Variants in SP6 observed in about 807,000 individuals in gnomAD.
SP6 encodes transcription factor Sp6.
A neutral mutation model predicts 23.4 loss-of-function variants in SP6; 10 were observed. That is an observed-to-expected ratio of 0.43 (90% CI 0.26 to 0.72). The LOEUF is 0.72. SP6 is among the 30% of genes least tolerant of loss of function. The pLI, the probability that SP6 is intolerant of heterozygous loss-of-function variation, is 0.23. For missense variants in SP6, 482 were observed against 523.8 expected (o/e 0.92, Z 0.78); for synonymous variants, 238 against 238.7 (o/e 1.00, Z 0.03).
chr17:47,874,064 CCCT>C, the SP6 span, among the ~76,000 whole-genome samples: 3 of 150,236 alleles, frequency 2.0e-5, no homozygotes, highest in African/African-American at 7.4e-5. Flanking sequence ...TCTCCTTCCT[CCCT>C]CCTCCTTCCC....
At chr17:47,850,005 C>T (rs982147242) in intron 1 of SP6, among the ~76,000 whole-genome samples, 8 of 152,088 alleles carry the variant, frequency 5.3e-5, no homozygotes, top group Admixed American at 2.6e-4. Flanking sequence ...GAGAGGAGGA[C>T]GGGGGCACCT....
the SP6 span, among the ~76,000 whole-genome samples, chr17:47,872,769 G>T: frequency 2.0e-5 from 3 of 152,044 alleles, no homozygotes; most frequent in African/African-American, 7.3e-5. Context: ...ACTCCCGCTG[G>T]GTTACCCTTA....
At chr17:47,854,493 C>T (rs927514130), upstream of SP6, among the ~76,000 whole-genome samples, 5 of 152,172 alleles carry the variant, frequency 3.3e-5, no homozygotes, top group Admixed American at 2.6e-4. Flanking sequence ...CATCTGGCCT[C>T]AATATGGCAG....
chr17:47,854,719 G>T, upstream of SP6, among the ~76,000 whole-genome samples: 1 of 152,156 alleles, frequency 6.6e-6, no homozygotes, highest in East Asian at 1.9e-4. Context: ...TATCAAAGCT[G>T]GTCTAGCCCC....
chr17:47,857,493 T>G (rs1046466351), upstream of SP6, among the ~76,000 whole-genome samples: 1 of 152,138 alleles, frequency 6.6e-6, no homozygotes, highest in African/African-American at 2.4e-5. Flanking sequence ...TGGGAGAATC[T>G]TGGGGTTGGG....
At chr17:47,857,056 A>C (rs895202947), upstream of SP6, among the ~76,000 whole-genome samples, 5 of 152,076 alleles carry the variant, frequency 3.3e-5, no homozygotes, top group African/African-American at 1.2e-4. Context: ...GTAAAAGCTC[A>C]GCAGAAAGCC....
At position 47,846,099 on chromosome 17, in the gene SP6, A is replaced by T. The variant is rs188676532; in HGVS notation, c.*1200T>A. 1 of 152,302 alleles carries T rather than the reference A, an allele frequency of 6.6e-6. No homozygotes were observed. The highest frequency in any genetic ancestry group is 1.9e-4 in the East Asian group (1 of 5,186). 9.4% of individuals were successfully genotyped at this position (152,302 alleles called of 1,614,324 possible). ...CAGAACCCCTTCCAGTGGGAGAACA[A>T]CTCTTTCCTCTCCCTTCCCCTGTGA... On this transcript the variant is annotated 3_prime_UTR_variant, in exon 2 of 2. Transcript: ENST00000536300.
chr17:47,858,767 CTTTTTTTTTTTTTT>C (rs36092685), upstream of SP6, among the ~76,000 whole-genome samples: 3 of 92,648 alleles, frequency 3.2e-5, no homozygotes, highest in East Asian at 3.0e-4. Context: ...GATGAAGCAT[CTTTTTTTTTTTTTT>C]TTTTTTTTTT....
At chr17:47,866,982 C>T in the SP6 span, among the ~76,000 whole-genome samples, 1 of 152,160 alleles carries the variant, frequency 6.6e-6, no homozygotes, top group Admixed American at 6.5e-5. Flanking sequence ...TCGGACACGC[C>T]ACGCTGGGAA....
chr17:47,875,432 G>A, the SP6 span, among the ~76,000 whole-genome samples: 2 of 152,128 alleles, frequency 1.3e-5, no homozygotes, highest in East Asian at 1.9e-4. Context: ...CAAGCCTGGG[G>A]GGCCCCCTCT....
At position 47,847,981 on chromosome 17, in the gene SP6, G is replaced by A; in HGVS notation, c.449C>T (p.Ala150Val). The A allele has an allele frequency of 6.3e-7, 1 of 1,589,328 alleles. No homozygotes were observed. Among genetic ancestry groups the A allele is most frequent in the Admixed American group, 1.8e-5 (1 of 56,582 alleles). Residue 150 changes from alanine to valine, a missense_variant, in exon 2 of 2, where the codon GCG becomes GTG. This residue lies in a region of SP6 where 330 missense variants were observed against 332.3 expected (regional missense o/e 0.99). Transcript: ENST00000536300. ...GTCTCCGACGTAGCCCCCCAAGCCC[G>A]CCTGAAGCGCCCCCGGGTGGCCAGG... Reference protein sequence around the residue: ...TSPGHPGALQAGLGGYVGDHQ... With the variant: ...TSPGHPGALQVGLGGYVGDHQ...
the SP6 span, among the ~76,000 whole-genome samples, chr17:47,875,063 C>T: frequency 6.6e-6 from 1 of 151,342 alleles, no homozygotes; most frequent in South Asian, 2.1e-4. Flanking sequence ...GCAGCTTTGT[C>T]ATTTCCCCTC....
chr17:47,864,481 C>A, the SP6 span: 1 of 151,236 alleles, frequency 6.6e-6, no homozygotes, highest in Non-Finnish European at 1.5e-5. Flanking sequence ...GTTATCCAGG[C>A]TGATCTCAAA....
upstream of SP6, among the ~76,000 whole-genome samples, chr17:47,857,205 G>T (rs999882018): frequency 2.6e-5 from 4 of 152,134 alleles, no homozygotes; most frequent in African/African-American, 9.7e-5. Flanking sequence ...ACTGAGGCAG[G>T]CTCCAGGGAG....
In SP6 at chr17:47,847,592, C is replaced by T; in HGVS notation, c.838G>A (p.Gly280Ser). 2 of 1,613,650 alleles carry T rather than the reference C, an allele frequency of 1.2e-6. No homozygotes were observed. The highest frequency in any genetic ancestry group is 1.7e-6 in the Non-Finnish European group (2 of 1,179,960). Reference protein sequence around the residue: ...HLKAHLRWHSGDRPFVCNWLF... With the variant: ...HLKAHLRWHSSDRPFVCNWLF... ...CAGTTGCACACGAAGGGACGGTCGC[C>T]GCTGTGCCAGCGCAGGTGCGCCTTC... Residue 280 changes from glycine to serine, a missense_variant, in exon 2 of 2, where the codon GGC (glycine) becomes AGC (serine). By Grantham distance (56) the Gly-to-Ser change is moderately conservative. Transcript: ENST00000536300.
At position 47,848,564 on chromosome 17, in the gene SP6, G is replaced by A. The variant is rs1256238988; in HGVS notation, c.-57-78C>T. On this transcript the variant is annotated intron_variant, in intron 1 of 1. Transcript: ENST00000536300. This position sits in a 1 kb window ranked among gnomAD's most constrained non-coding sequence, Gnocchi z 5.3. Reference sequence around the variant, plus strand: ...CTCCTAACCCAGGTCCTCCTCTCTGGCCCCAGGTGTAAAAGAAGGATGCAC... The same window carrying A: ...CTCCTAACCCAGGTCCTCCTCTCTGACCCCAGGTGTAAAAGAAGGATGCAC... 1 of 787,984 alleles carries A rather than the reference G, an allele frequency of 1.3e-6. No homozygotes were observed. Among genetic ancestry groups the A allele is most frequent in the Non-Finnish European group, 2.0e-6 (1 of 505,076 alleles). The allele number at this position is 787,984 out of a possible 1,614,324, so 48.8% of individuals were successfully genotyped here. A position where few individuals can be genotyped will look rare whatever the true frequency, so the allele number is the denominator to read the frequency against.
At chr17:47,864,294 T>G in the SP6 span, among the ~76,000 whole-genome samples, 12 of 152,110 alleles carry the variant, frequency 7.9e-5, no homozygotes, top group African/African-American at 2.9e-4. Context: ...AGACAAGATT[T>G]TACTCTATTT....
the SP6 span, among the ~76,000 whole-genome samples, chr17:47,866,493 G>A: frequency 3.9e-5 from 6 of 152,286 alleles, no homozygotes; most frequent in South Asian, 2.1e-4. Flanking sequence ...CAGAGATGAC[G>A]CAGGCAAATG....
At chr17:47,858,767 CTTTTT>C (rs36092685), upstream of SP6, among the ~76,000 whole-genome samples, 8 of 92,648 alleles carry the variant, frequency 8.6e-5, no homozygotes, top group African/African-American at 3.5e-4. Context: ...GATGAAGCAT[CTTTTT>C]TTTTTTTTTT....
Sources: allele counts gnomAD v4.1 joint callset (sites outside exome capture counted in the v4.1 genomes callset), GRCh38; gene constraint gnomAD v4.1.1; regional missense constraint gnomAD v4.1.1; non-coding constraint Gnocchi (gnomAD v3.1); transcripts MANE v1.5; gene names NCBI Gene and HGNC (gene_info 2026-07-23, HGNC 2026-07-21).